The following PEPD variants were observed in gnomAD, a reference collection of about 807,000 sequenced individuals.
The protein encoded by PEPD is peptidase D, also known as xaa-Pro dipeptidase.
PEPD carries 53 observed loss-of-function variants against 60.7 expected under a neutral mutation model. That is an observed-to-expected ratio of 0.87 (90% CI 0.70 to 1.10). The LOEUF is 1.10. Among genes scored for constraint, PEPD ranks in the 50% least tolerant of loss-of-function variants. The probability of loss-of-function intolerance (pLI) is 0.00; values close to 1 mark genes in which losing one functional copy is unlikely to be tolerated. For missense variants in PEPD, 711 were observed against 711.9 expected (o/e 1.00, Z 0.01); for synonymous variants, 267 against 284.1 (o/e 0.94, Z 0.60).
chr19:33,392,475 C>A (rs1968247478), intron 12 of PEPD, among the ~76,000 whole-genome samples: 1 of 152,212 alleles, frequency 6.6e-6, no homozygotes, highest in Non-Finnish European at 1.5e-5. Context: ...GCCCTGGCCC[C>A]ATGGGGGCTG....
intron 7 of PEPD, among the ~76,000 whole-genome samples, chr19:33,475,782 G>A (rs990449040): frequency 6.6e-6 from 1 of 152,072 alleles, no homozygotes; most frequent in Admixed American, 6.6e-5. Context: ...TGCCAAATGG[G>A]GGCTACAGAT....
chr19:33,456,598 G>A (rs1969805679), intron 9 of PEPD, among the ~76,000 whole-genome samples: 1 of 152,168 alleles, frequency 6.6e-6, no homozygotes, highest in Non-Finnish European at 1.5e-5. Flanking sequence ...AATGGGCTGT[G>A]CCAGTGCCCT....
intron 4 of PEPD, among the ~76,000 whole-genome samples, chr19:33,499,629 C>G (rs1970671428): frequency 6.6e-6 from 1 of 152,228 alleles, no homozygotes; most frequent in South Asian, 2.1e-4. Context: ...GTGTCCACAA[C>G]TTGGTCCTGA....
At chr19:33,406,300 G>A (rs1968622562) in intron 11 of PEPD, among the ~76,000 whole-genome samples, 1 of 152,236 alleles carries the variant, frequency 6.6e-6, no homozygotes, top group African/African-American at 2.4e-5. Flanking sequence ...CAGCCACGAA[G>A]CACAAACAAG....
intron 9 of PEPD, among the ~76,000 whole-genome samples, chr19:33,453,317 A>AAAAAAAAAAAATAAAT (rs1555762504): frequency 9.4e-5 from 14 of 148,752 alleles, no homozygotes; most frequent in South Asian, 2.1e-4. Context: ...CTGTCATAAA[A>AAAAAAAAAAAATAAAT]AAATAAATAA....
intron 11 of PEPD, among the ~76,000 whole-genome samples, chr19:33,406,241 G>A (rs2145355135): frequency 6.6e-6 from 1 of 152,326 alleles, no homozygotes; most frequent in East Asian, 1.9e-4. Context: ...CAGGATGTCT[G>A]GACAAGTGCT....
At chr19:33,395,295 G>C (rs955772739) in intron 12 of PEPD, 1 of 152,404 alleles carries the variant, frequency 6.6e-6, no homozygotes, top group African/African-American at 2.4e-5. Context: ...TCTGGGCCTT[G>C]CAAGGGTGGT....
At chr19:33,397,570 G>T (rs1479255876) in intron 12 of PEPD, among the ~76,000 whole-genome samples, 1 of 151,878 alleles carries the variant, frequency 6.6e-6, no homozygotes, top group Non-Finnish European at 1.5e-5. Flanking sequence ...GCCCTTGGGG[G>T]ACACCAATGC....
rs146067299 is a variant in PEPD at position 33,453,317 on chromosome 19, A to AAAAT, written c.671+9674_671+9677dup. ...CAGTAGAGCAAAACACTGTCATAAA[A>AAAAT]AAATAAATAAATAAATAAATAAATA... On this transcript the variant is annotated intron_variant, in intron 9 of 14. Transcript: ENST00000244137. 5.2e-3 allele frequency among the ~76,000 whole-genome samples: 780 copies of AAAAT among 148,690 alleles called. 6 individuals are homozygous for AAAAT. Among genetic ancestry groups the AAAAT allele is most frequent in the African/African-American group, 0.016 (654 of 40,066 alleles).
chr19:33,429,700 T>C (rs1969230140), intron 9 of PEPD, among the ~76,000 whole-genome samples: 1 of 152,226 alleles, frequency 6.6e-6, no homozygotes, highest in African/African-American at 2.4e-5. Flanking sequence ...ACATGACAAC[T>C]GATATTTACA....
chr19:33,521,738 A>C lies in PEPD; in HGVS notation c.17+6T>G. The C allele has an allele frequency of 1.3e-6, 2 of 1,579,326 alleles. No homozygotes were observed. The highest frequency in any genetic ancestry group is 1.2e-5 in the South Asian group (1 of 86,894). The stretch of plus-strand genomic sequence containing the variant: ...CGGGAAAGAGCGAGGGAGGCGCAGC[A>C]CTCACCCGGTGGCCGCCGCCATGTT... On this transcript the variant is annotated splice_donor_region_variant and intron_variant, in intron 1 of 14. Transcript: ENST00000244137.
chr19:33,463,610 T>C (rs1368157968), intron 8 of PEPD, among the ~76,000 whole-genome samples: 3 of 152,230 alleles, frequency 2.0e-5, no homozygotes, highest in Non-Finnish European at 4.4e-5. Flanking sequence ...AAATGGATGA[T>C]GGTAATCAGT....
chr19:33,503,159 C>T (rs941151685), intron 3 of PEPD, among the ~76,000 whole-genome samples: 3 of 152,118 alleles, frequency 2.0e-5, no homozygotes, highest in Non-Finnish European at 2.9e-5. Context: ...CTGAGTCCTC[C>T]ACCACTTCCC....
At chr19:33,388,285 A>G (rs1457255367) in intron 13 of PEPD, 2 of 695,094 alleles carry the variant, frequency 2.9e-6, no homozygotes, top group East Asian at 2.7e-5. Context: ...CTGGATCTTG[A>G]GTGTCCCTGG....
rs774936751 is a variant in PEPD at position 33,460,343 on chromosome 19, G to A, written c.671+2652C>T. On this transcript the variant is annotated intron_variant, in intron 9 of 14. Coordinates refer to ENST00000244137, the MANE Select transcript of PEPD (RefSeq NM_000285.4). ...CTGCATCACATAGTGATCCTGCCCT[G>A]GAGAGGGAGCTCGAGGCGGAAGAAG... Among the ~76,000 whole-genome samples, 4 of 152,274 alleles carry A rather than the reference G, an allele frequency of 2.6e-5. No homozygotes were observed. The South Asian group carries it at 8.3e-4, about 32-fold the overall frequency.
At chr19:33,453,437 C>T (rs1037632524) in intron 9 of PEPD, among the ~76,000 whole-genome samples, 14 of 152,202 alleles carry the variant, frequency 9.2e-5, no homozygotes, top group African/African-American at 3.4e-4. Context: ...CCGTGCCTTG[C>T]TTTCTTTTTT....
intron 11 of PEPD, among the ~76,000 whole-genome samples, chr19:33,402,728 G>A (rs1431539081): frequency 6.6e-6 from 1 of 152,216 alleles, no homozygotes; most frequent in African/African-American, 2.4e-5. Flanking sequence ...GAGACCAGCA[G>A]GACACAGGCA....
At chr19:33,401,034 C>T (rs536943510) in intron 12 of PEPD, among the ~76,000 whole-genome samples, 16 of 152,208 alleles carry the variant, frequency 1.1e-4, no homozygotes, top group East Asian at 3.9e-4. Flanking sequence ...CAACGGCGCG[C>T]GGTGGGAGGT....
intron 6 of PEPD, among the ~76,000 whole-genome samples, chr19:33,488,605 C>T (rs977418803): frequency 1.3e-5 from 2 of 152,082 alleles, no homozygotes; most frequent in African/African-American, 4.8e-5. Context: ...TGCTGCCAGG[C>T]GTGGGAGGCG....
Sources: gnomAD v4.1 joint callset for allele counts (sites outside exome capture counted in the v4.1 genomes callset) on GRCh38, gnomAD v4.1.1 for gene constraint, MANE v1.5 for transcripts, NCBI Gene and HGNC (gene_info 2026-07-23, HGNC 2026-07-21) for gene names.